PLPPR1: variants seen among roughly 807,000 people sequenced by gnomAD.
The protein encoded by PLPPR1 is phospholipid phosphatase related 1.
In PLPPR1, 10 loss-of-function variants were observed where a neutral mutation model predicts 33.1. That is an observed-to-expected ratio of 0.30 (90% CI 0.19 to 0.51). The LOEUF (loss-of-function observed/expected upper bound fraction) is 0.51. PLPPR1 is among the 20% of genes least tolerant of loss of function. The pLI is 0.97. For synonymous variants in PLPPR1, 151 were observed against 151.0 expected (o/e 1.00, Z 0.00); for missense variants, 304 against 408.1 (o/e 0.74, Z 2.20).
chr9:101,046,295 T>G (rs923249208), intron 1 of PLPPR1, among the ~76,000 whole-genome samples: 2 of 152,112 alleles, frequency 1.3e-5, no homozygotes, highest in Non-Finnish European at 2.9e-5. Flanking sequence ...TGTTCCTAAA[T>G]GCATGACGCC....
intron 2 of PLPPR1, among the ~76,000 whole-genome samples, chr9:101,220,034 C>T (rs74438119): frequency 0.027 from 4,071 of 152,220 alleles, 171 homozygotes; most frequent in African/African-American, 0.093. Flanking sequence ...GATGTGTTCT[C>T]TAGATCTGGG....
intron 6 of PLPPR1, among the ~76,000 whole-genome samples, chr9:101,314,861 A>C (rs1829024559): frequency 6.6e-6 from 1 of 152,244 alleles, no homozygotes; most frequent in African/African-American, 2.4e-5. Flanking sequence ...AAGATGAAAA[A>C]CTAAAATGCA....
Position 101,312,791 on chromosome 9 carries a change from A to G in PLPPR1, c.637-7A>G. ...CTGGTCACTCCCTGGCCTCTGTCCT[A>G]TTCCAGATGTATATTACAAGCACAA... is the stretch of plus-strand genomic sequence containing the variant. On this transcript the variant is annotated splice_region_variant and splice_polypyrimidine_tract_variant and intron_variant, in intron 5 of 7. Coordinates refer to ENST00000374874, the MANE Select transcript of PLPPR1 (RefSeq NM_207299.2). 6.2e-7 allele frequency: 1 copy of G among 1,613,734 alleles called. No individual in the cohort carries two copies. Among genetic ancestry groups the G allele is most frequent in the Non-Finnish European group, 8.5e-7 (1 of 1,179,898 alleles).
intron 1 of PLPPR1, among the ~76,000 whole-genome samples, chr9:101,101,317 GC>G (rs1377712539): frequency 6.6e-6 from 1 of 151,880 alleles, no homozygotes; most frequent in Non-Finnish European, 1.5e-5. Context: ...GGGTTTTCTG[GC>G]TTTTTATTTA....
chr9:101,322,456 C>T (rs1829172235), intron 7 of PLPPR1: 1 of 151,870 alleles, frequency 6.6e-6, no homozygotes, highest in African/African-American at 2.4e-5. Context: ...GCTAAAGTTT[C>T]TATTATATTA....
intron 1 of PLPPR1, among the ~76,000 whole-genome samples, chr9:101,160,195 A>G (rs761414055): frequency 9.2e-5 from 14 of 152,194 alleles, no homozygotes; most frequent in African/African-American, 1.4e-4. Context: ...CCTTCCTCCA[A>G]CTAGAAAAGT....
chr9:101,133,810 A>G (rs191468321), intron 1 of PLPPR1, among the ~76,000 whole-genome samples: 1 of 152,332 alleles, frequency 6.6e-6, no homozygotes, highest in East Asian at 1.9e-4. Context: ...TAAGCCATAT[A>G]GCAGAATAGT....
chr9:101,259,969 C>T (rs775582172), intron 2 of PLPPR1, among the ~76,000 whole-genome samples: 29 of 152,194 alleles, frequency 1.9e-4, no homozygotes, highest in Middle Eastern at 3.4e-3. Flanking sequence ...GCTTTTTAAT[C>T]GTTTTTTAGA....
At chr9:101,080,765 G>A (rs1220265694) in intron 1 of PLPPR1, among the ~76,000 whole-genome samples, 1 of 152,140 alleles carries the variant, frequency 6.6e-6, no homozygotes, top group African/African-American at 2.4e-5. Context: ...ATCGTTTTCA[G>A]TATGGGGCTT....
intron 1 of PLPPR1, among the ~76,000 whole-genome samples, chr9:101,140,542 C>A (rs774817405): frequency 1.5e-4 from 23 of 152,144 alleles, no homozygotes; most frequent in Non-Finnish European, 3.1e-4. Context: ...CAAGGACTTT[C>A]CCCCATTTAA....
At chr9:101,201,312 C>A (rs1476459976) in intron 2 of PLPPR1, among the ~76,000 whole-genome samples, 1 of 152,210 alleles carries the variant, frequency 6.6e-6, no homozygotes, top group Non-Finnish European at 1.5e-5. Context: ...CATATTGAAA[C>A]CATTAGCACC....
chr9:101,281,205 TAATC>T (rs1479958447), intron 3 of PLPPR1, among the ~76,000 whole-genome samples: 1 of 151,982 alleles, frequency 6.6e-6, no homozygotes, highest in Non-Finnish European at 1.5e-5. Flanking sequence ...GGAATAAACT[TAATC>T]AAATAAGTGA....
At chr9:101,078,102 G>GAGAAGGAGAAGGAGAAGGAGAAGA (rs1564138111) in intron 1 of PLPPR1, among the ~76,000 whole-genome samples, 9 of 24,902 alleles carry the variant, frequency 3.6e-4, no homozygotes, top group Admixed American at 6.7e-4. Context: ...GAAGGAGAAG[G>GAGAAGGAGAAGGAGAAGGAGAAGA]AGAAGAAGAA....
At chr9:101,127,533 A>C (rs956314902) in intron 1 of PLPPR1, among the ~76,000 whole-genome samples, 8 of 152,214 alleles carry the variant, frequency 5.3e-5, no homozygotes, top group African/African-American at 1.9e-4. Context: ...GTTTAGCATT[A>C]GCTCTGCTAC....
chr9:101,311,178 A>G (rs571689366), intron 5 of PLPPR1, among the ~76,000 whole-genome samples: 1 of 152,334 alleles, frequency 6.6e-6, no homozygotes, highest in African/African-American at 2.4e-5. Flanking sequence ...CTTATAATAA[A>G]CTACTGTCTC....
At chr9:101,251,162 A>T (rs918398182) in intron 2 of PLPPR1, among the ~76,000 whole-genome samples, 3 of 151,992 alleles carry the variant, frequency 2.0e-5, no homozygotes, top group Non-Finnish European at 4.4e-5. Context: ...TAGCCCCCAA[A>T]TTTGTTCCTT....
chr9:101,168,734 G>A (rs755891605), intron 1 of PLPPR1, among the ~76,000 whole-genome samples: 13 of 152,016 alleles, frequency 8.6e-5, no homozygotes, highest in Non-Finnish European at 1.6e-4. Flanking sequence ...CTCAATGCTC[G>A]TCTTCAAAAT....
intron 1 of PLPPR1, among the ~76,000 whole-genome samples, chr9:101,069,826 A>G (rs189912842): frequency 7.0e-4 from 107 of 152,218 alleles, no homozygotes; most frequent in Non-Finnish European, 1.3e-3. Flanking sequence ...TATGCACACT[A>G]CAGTTTGAGA....
At chr9:101,241,371 C>T (rs1464321852) in intron 2 of PLPPR1, among the ~76,000 whole-genome samples, 2 of 151,982 alleles carry the variant, frequency 1.3e-5, no homozygotes, top group South Asian at 2.1e-4. Context: ...GGGAGAAGAA[C>T]AATTTCCTTG....
Sources: gnomAD v4.1 joint callset for allele counts (sites outside exome capture counted in the v4.1 genomes callset) on GRCh38, gnomAD v4.1.1 for gene constraint, MANE v1.5 for transcripts, NCBI Gene and HGNC (gene_info 2026-07-23, HGNC 2026-07-21) for gene names.